The following PTPRD variants were observed in gnomAD, a reference collection of about 807,000 sequenced individuals.
PTPRD encodes the protein receptor-type tyrosine-protein phosphatase delta.
Under a neutral mutation model 214.5 loss-of-function variants are expected in PTPRD, and 34 were observed. That is an observed-to-expected ratio of 0.16 (90% confidence interval 0.12 to 0.21). PTPRD has a LOEUF of 0.21. PTPRD is among the 10% of genes least tolerant of loss of function. The probability of loss-of-function intolerance (pLI) is 1.00; values close to 1 mark genes in which losing one functional copy is unlikely to be tolerated. For missense variants in PTPRD, 2,545 were observed against 2,398.7 expected (o/e 1.06, Z -1.27); for synonymous variants, 1,128 against 845.7 (o/e 1.33, Z -5.79).
chr9:9,094,105 A>C (rs1484703654), intron 10 of PTPRD, among the ~76,000 whole-genome samples: 1 of 152,196 alleles, frequency 6.6e-6, no homozygotes. Context: ...ACCAATGCTC[A>C]CTCAAGTGGA....
At chr9:10,200,393 G>A (rs954760644) in intron 3 of PTPRD, among the ~76,000 whole-genome samples, 4 of 152,088 alleles carry the variant, frequency 2.6e-5, no homozygotes, top group Non-Finnish European at 4.4e-5. Flanking sequence ...AGAGAAGGAA[G>A]ATGCTATTGA....
At chr9:8,420,896 C>G (rs1388262452) in intron 35 of PTPRD, among the ~76,000 whole-genome samples, 1 of 150,474 alleles carries the variant, frequency 6.6e-6, no homozygotes. Context: ...TGTTTTATTT[C>G]AGGCAGAAGA....
chr9:9,386,738 A>C (rs2063991669), intron 9 of PTPRD, among the ~76,000 whole-genome samples: 1 of 152,164 alleles, frequency 6.6e-6, no homozygotes. Context: ...GTTCATTGTT[A>C]AATTAACCCT....
chr9:10,125,423 T>TTTTA (rs1242346104), intron 3 of PTPRD, among the ~76,000 whole-genome samples: 7 of 133,556 alleles, frequency 5.2e-5, no homozygotes, highest in African/African-American at 1.9e-4. Context: ...TTTGTTTTAT[T>TTTTA]TTATTATTAT....
At chr9:10,424,313 T>TTCTCTCTCTCTCTCTCTC (rs35994999) in intron 2 of PTPRD, among the ~76,000 whole-genome samples, 5 of 145,482 alleles carry the variant, frequency 3.4e-5, no homozygotes, top group African/African-American at 1.0e-4. Context: ...TGGTTTCCTT[T>TTCTCTCTCTCTCTCTCTC]TCTCTCTCTC....
chr9:9,062,299 A>T (rs1433592798), intron 10 of PTPRD, among the ~76,000 whole-genome samples: 1 of 152,200 alleles, frequency 6.6e-6, no homozygotes, highest in African/African-American at 2.4e-5. Flanking sequence ...GATAAGACAC[A>T]AGTTGACACT....
chr9:9,869,781 T>TA (rs557355772), intron 5 of PTPRD, among the ~76,000 whole-genome samples: 323 of 151,274 alleles, frequency 2.1e-3, no homozygotes, highest in African/African-American at 6.5e-3. Context: ...TAAACTGCAT[T>TA]AAAAAAAATA....
intron 2 of PTPRD, among the ~76,000 whole-genome samples, chr9:10,525,002 C>A (rs1050681442): frequency 4.0e-5 from 6 of 151,246 alleles, no homozygotes; most frequent in Admixed American, 2.6e-4. Flanking sequence ...AGACCTATAT[C>A]ATATGTTTCT....
At chr9:9,806,207 CCATCAGAAGATG>C (rs1282947874) in intron 5 of PTPRD, among the ~76,000 whole-genome samples, 1 of 152,020 alleles carries the variant, frequency 6.6e-6, no homozygotes, top group Non-Finnish European at 1.5e-5. Context: ...TGTCAGGCAA[CCATCAGAAGATG>C]GTCAGGCCGT....
At chr9:9,029,304 A>T (rs925751732) in intron 10 of PTPRD, among the ~76,000 whole-genome samples, 4 of 151,820 alleles carry the variant, frequency 2.6e-5, no homozygotes, top group African/African-American at 9.7e-5. Flanking sequence ...GAGATTATTA[A>T]ATACGTATTT....
At chr9:9,737,585 T>C (rs978483475) in intron 6 of PTPRD, among the ~76,000 whole-genome samples, 1 of 152,150 alleles carries the variant, frequency 6.6e-6, no homozygotes. Context: ...TTCATATAAA[T>C]GGAATCACAC....
chr9:9,905,513 G>C (rs1348227645), intron 5 of PTPRD, among the ~76,000 whole-genome samples: 1 of 151,894 alleles, frequency 6.6e-6, no homozygotes, highest in Non-Finnish European at 1.5e-5. Context: ...TATCAAGCCA[G>C]TCAGATACTT....
chr9:9,622,040 A>G (rs2095260949), intron 7 of PTPRD, among the ~76,000 whole-genome samples: 1 of 152,226 alleles, frequency 6.6e-6, no homozygotes, highest in Non-Finnish European at 1.5e-5. Context: ...TTATTTGGAT[A>G]TATGTTGCCT....
At chr9:9,441,248 C>G (rs927204981) in intron 8 of PTPRD, among the ~76,000 whole-genome samples, 6 of 152,236 alleles carry the variant, frequency 3.9e-5, no homozygotes, top group South Asian at 2.1e-4. Flanking sequence ...GGAGGCATAA[C>G]TATGTCCATC....
intron 2 of PTPRD, among the ~76,000 whole-genome samples, chr9:10,452,856 T>C (rs1364148241): frequency 6.6e-6 from 1 of 151,766 alleles, no homozygotes; most frequent in African/African-American, 2.4e-5. Context: ...ATTTTTGCTT[T>C]TGTTTTCTCC....
At chr9:8,327,336 G>T (rs1045912298) in intron 44 of PTPRD, among the ~76,000 whole-genome samples, 1 of 119,530 alleles carries the variant, frequency 8.4e-6, no homozygotes, top group East Asian at 2.6e-4. Context: ...TAGTTGTGTG[G>T]TTTTGAGTGG....
chr9:8,792,235 T>C (rs1276312428), intron 11 of PTPRD, among the ~76,000 whole-genome samples: 3 of 152,212 alleles, frequency 2.0e-5, no homozygotes, highest in Non-Finnish European at 4.4e-5. Context: ...TCACCTATTG[T>C]ACTACAGAGA....
intron 2 of PTPRD, among the ~76,000 whole-genome samples, chr9:10,400,594 A>T (rs2098253449): frequency 6.6e-6 from 1 of 151,844 alleles, no homozygotes; most frequent in Non-Finnish European, 1.5e-5. Flanking sequence ...AAACTAAAAC[A>T]TCAAATGGAA....
At chr9:8,812,865 G>A (rs2096839711) in intron 11 of PTPRD, among the ~76,000 whole-genome samples, 1 of 151,866 alleles carries the variant, frequency 6.6e-6, no homozygotes, top group Non-Finnish European at 1.5e-5. Context: ...TGAGTAATAT[G>A]TAACATAGCC....
Sources: gnomAD v4.1 joint callset for allele counts (sites outside exome capture counted in the v4.1 genomes callset) on GRCh38, gnomAD v4.1.1 for gene constraint, MANE v1.5 for transcripts, NCBI Gene and HGNC (gene_info 2026-07-23, HGNC 2026-07-21) for gene names.